Variants in SAMD3 observed in about 807,000 individuals in gnomAD.
The protein encoded by SAMD3 is sterile alpha motif domain-containing protein 3.
A neutral mutation model predicts 58.5 loss-of-function variants in SAMD3; 63 were observed. The observed-to-expected ratio is 1.08, with a 90% CI of 0.88 to 1.33. SAMD3 has a LOEUF of 1.33. Ranked by LOEUF, SAMD3 falls within the 40% of genes most tolerant of loss-of-function variation. The probability of loss-of-function intolerance (pLI) is 0.00; values close to 1 mark genes in which losing one functional copy is unlikely to be tolerated. For missense variants in SAMD3, 604 were observed against 608.4 expected (o/e 0.99, Z 0.08); for synonymous variants, 220 against 210.3 (o/e 1.05, Z -0.40).
intron 2 of SAMD3, among the ~76,000 whole-genome samples, chr6:130,230,803 T>A (rs1411064957): frequency 6.6e-6 from 1 of 152,220 alleles, no homozygotes; most frequent in Non-Finnish European, 1.5e-5. Flanking sequence ...CCGACCTGCT[T>A]ACAGAACTCT....
chr6:130,192,579 A>G (rs1793654365), intron 5 of SAMD3, among the ~76,000 whole-genome samples: 1 of 148,794 alleles, frequency 6.7e-6, no homozygotes, highest in African/African-American at 2.5e-5. Flanking sequence ...CCCAAATCCT[A>G]TAAAATGGCC....
intron 2 of SAMD3, among the ~76,000 whole-genome samples, chr6:130,296,184 C>T (rs12528700): frequency 0.17 from 25,661 of 152,128 alleles, 2,422 homozygotes; most frequent in East Asian, 0.36. Context: ...GATGGCTGAC[C>T]AGAGACACTG....
At chr6:130,163,209 T>A (rs547411137) in intron 8 of SAMD3, among the ~76,000 whole-genome samples, 2 of 152,362 alleles carry the variant, frequency 1.3e-5, no homozygotes, top group South Asian at 4.1e-4. Context: ...CATGTTGAAA[T>A]AATATTTTGC....
intron 8 of SAMD3, among the ~76,000 whole-genome samples, chr6:130,164,946 A>T (rs909265785): frequency 6.6e-6 from 1 of 152,138 alleles, no homozygotes; most frequent in African/African-American, 2.4e-5. Flanking sequence ...AGCAATTATA[A>T]ACTTATATAC....
chr6:130,278,320 C>A (rs1774856263), intron 2 of SAMD3, among the ~76,000 whole-genome samples: 1 of 152,144 alleles, frequency 6.6e-6, no homozygotes, highest in Non-Finnish European at 1.5e-5. Context: ...TCCTTGAATA[C>A]TTGGGGAGTC....
At chr6:130,260,880 G>A (rs1774101621) in intron 2 of SAMD3, among the ~76,000 whole-genome samples, 2 of 152,242 alleles carry the variant, frequency 1.3e-5, no homozygotes, top group Non-Finnish European at 2.9e-5. Context: ...AACTTGGTAA[G>A]ACTAGTCTTT....
chr6:130,192,304 A>C (rs1297637414), intron 5 of SAMD3, among the ~76,000 whole-genome samples: 1 of 152,232 alleles, frequency 6.6e-6, no homozygotes, highest in African/African-American at 2.4e-5. Flanking sequence ...CTTTTTTAAG[A>C]GACAGGTGTC....
At chr6:130,263,629 C>T (rs191243855) in intron 2 of SAMD3, among the ~76,000 whole-genome samples, 25 of 152,312 alleles carry the variant, frequency 1.6e-4, no homozygotes, top group Admixed American at 1.0e-3. Flanking sequence ...CTTCTTTCCT[C>T]GTTCTATTGC....
exon 1 of SAMD3, chr6:130,365,282 C>G (rs532533989): frequency 1.0e-6 from 1 of 985,400 alleles, no homozygotes; most frequent in African/African-American, 1.7e-5. Flanking sequence ...AACATCCGCA[C>G]TGCTCATCGA....
upstream of SAMD3, among the ~76,000 whole-genome samples, chr6:130,227,302 C>T (rs1283250831): frequency 2.0e-5 from 3 of 152,136 alleles, no homozygotes; most frequent in Non-Finnish European, 4.4e-5. Flanking sequence ...TGAGAATCGC[C>T]TTCATTTTTA....
At chr6:130,333,812 C>G (rs574971796) in intron 1 of SAMD3, among the ~76,000 whole-genome samples, 1 of 152,182 alleles carries the variant, frequency 6.6e-6, no homozygotes. Context: ...TCTATAGTCA[C>G]GCTTCAAGCC....
chr6:130,331,286 A>G (rs1469299427), intron 1 of SAMD3, among the ~76,000 whole-genome samples: 2 of 152,268 alleles, frequency 1.3e-5, no homozygotes, highest in Non-Finnish European at 2.9e-5. Context: ...CAAATAAGAC[A>G]TAAAACAAGT....
chr6:130,289,506 T>G lies in SAMD3; in HGVS notation c.-188+23472A>C, dbSNP rs535473704. On this transcript the variant is annotated intron_variant, in intron 2 of 13. Transcript: ENST00000368134. The stretch of plus-strand genomic sequence containing the variant: ...AAAGGTAAAGAAAAAAAAATATATA[T>G]AGAGAGAGAGAGAGACAGAGTCTCA... Among the ~76,000 whole-genome samples, 97 of 149,218 alleles carry G rather than the reference T, an allele frequency of 6.5e-4. 1 individual carries two copies. The highest frequency in any genetic ancestry group is 1.5e-3 in the African/African-American group (60 of 40,642).
chr6:130,192,784 G>A (rs6917592), intron 5 of SAMD3, among the ~76,000 whole-genome samples: 17,374 of 152,162 alleles, frequency 0.11, 1,230 homozygotes, highest in African/African-American at 0.2. Flanking sequence ...TCTTTGCTCC[G>A]TGAGAAAGAT....
intron 2 of SAMD3, among the ~76,000 whole-genome samples, chr6:130,280,600 T>G (rs1774947615): frequency 6.6e-6 from 1 of 152,222 alleles, no homozygotes; most frequent in South Asian, 2.1e-4. Flanking sequence ...GTTCCTGCAC[T>G]CAAATTTACT....
At chr6:130,233,422 C>G (rs1394449802) in intron 2 of SAMD3, among the ~76,000 whole-genome samples, 1 of 152,142 alleles carries the variant, frequency 6.6e-6, no homozygotes, top group Admixed American at 6.5e-5. Context: ...GGATTTCAAA[C>G]TAAACATGGA....
At chr6:130,184,331 A>C (rs1250331395) in intron 6 of SAMD3, 107 bp downstream of exon 6, 2 of 1,213,496 alleles carry the variant, frequency 1.6e-6, no homozygotes, top group African/African-American at 3.0e-5. Context: ...GGGACCTATT[A>C]CCAATATATC....
intron 2 of SAMD3, among the ~76,000 whole-genome samples, chr6:130,282,493 T>C (rs1423119597): frequency 4.3e-4 from 66 of 152,156 alleles, no homozygotes; most frequent in Admixed American, 4.3e-3. Flanking sequence ...TTGGTCTCAA[T>C]AGTACAGAGG....
At chr6:130,285,029 A>G (rs1775108360) in intron 2 of SAMD3, among the ~76,000 whole-genome samples, 1 of 152,220 alleles carries the variant, frequency 6.6e-6, no homozygotes, top group Non-Finnish European at 1.5e-5. Context: ...AAGGAAGTAG[A>G]TAGCTAAACT....
Sources: gnomAD v4.1 joint callset for allele counts (sites outside exome capture counted in the v4.1 genomes callset) on GRCh38, gnomAD v4.1.1 for gene constraint, MANE v1.5 for transcripts, NCBI Gene and HGNC (gene_info 2026-07-23, HGNC 2026-07-21) for gene names.